Variants in SFRP1 observed in about 807,000 individuals in gnomAD.
SFRP1 encodes secreted frizzled related protein 1.
SFRP1 carries 9 observed loss-of-function variants against 25.9 expected under a neutral mutation model. The ratio of observed to expected loss-of-function variants is 0.35; its 90% CI spans 0.21 to 0.61. The LOEUF (loss-of-function observed/expected upper bound fraction) is 0.61, where lower values mean the gene tolerates loss of function less well. Among genes scored for constraint, SFRP1 ranks in the 20% least tolerant of loss-of-function variants. The probability of loss-of-function intolerance (pLI) is 0.78; values close to 1 mark genes in which losing one functional copy is unlikely to be tolerated. For missense variants in SFRP1, 346 were observed against 418.2 expected, an observed-to-expected ratio of 0.83 and a Z score of 1.51; for synonymous variants, 178 against 174.0, an observed-to-expected ratio of 1.02 and a Z score of -0.18.
chr8:41,279,175 G>A (rs528344790), intron 2 of SFRP1, among the ~76,000 whole-genome samples: 3 of 152,084 alleles, frequency 2.0e-5, no homozygotes, highest in African/African-American at 7.2e-5. Context: ...TGCAATGCCT[G>A]ACATCAGGGG....
At chr8:41,271,329 A>T (rs1803503507) in intron 2 of SFRP1, 1 of 154,004 alleles carries the variant, frequency 6.5e-6, no homozygotes, top group Non-Finnish European at 1.5e-5. Flanking sequence ...TAACATACAA[A>T]ACAGAAAAGG....
intron 2 of SFRP1, among the ~76,000 whole-genome samples, chr8:41,291,590 G>A (rs751876361): frequency 1.3e-5 from 2 of 152,010 alleles, no homozygotes; most frequent in African/African-American, 2.4e-5. Context: ...GTATGCTCCC[G>A]TGGCTCCCAG....
intron 2 of SFRP1, chr8:41,275,125 A>G: frequency 2.3e-6 from 1 of 427,886 alleles, no homozygotes; most frequent in Non-Finnish European, 4.6e-6. Context: ...TTAGAACTGG[A>G]AGAGACGTTA....
chr8:41,299,773 C>T (rs1803892667), intron 2 of SFRP1, among the ~76,000 whole-genome samples: 1 of 151,880 alleles, frequency 6.6e-6, no homozygotes, highest in Non-Finnish European at 1.5e-5. Context: ...AGACACTGTG[C>T]CAGGGACTAT....
chr8:41,269,833 G>T (rs7013229), intron 2 of SFRP1, among the ~76,000 whole-genome samples: 50,845 of 152,082 alleles, frequency 0.33, 8,908 homozygotes, highest in Middle Eastern at 0.38. Context: ...CTCCTCTGAT[G>T]GCAGATGATA....
rs1803407157 is a variant in SFRP1 at position 41,264,223 on chromosome 8, A to G, written c.*944T>C. On this transcript the variant is annotated 3_prime_UTR_variant, in exon 3 of 3. Transcript: ENST00000220772. Reference sequence around the variant, plus strand: ...TGTCATTGTTCTTTTAAAAATGTGAAAAGGAAAAAACATGAGATTAGAATC... The same window carrying G: ...TGTCATTGTTCTTTTAAAAATGTGAGAAGGAAAAAACATGAGATTAGAATC... The G allele has an allele frequency of 6.6e-6, 1 of 152,240 alleles. No homozygotes were observed. The allele number at this position is 152,240 out of a possible 1,614,324, so 9.4% of individuals were successfully genotyped here.
At chr8:41,267,384 G>A (rs7831698) in intron 2 of SFRP1, among the ~76,000 whole-genome samples, 5 of 152,244 alleles carry the variant, frequency 3.3e-5, no homozygotes, top group East Asian at 3.9e-4. Flanking sequence ...ACAGTGTCGC[G>A]GGTACAATCA....
intron 2 of SFRP1, among the ~76,000 whole-genome samples, chr8:41,283,781 T>G (rs900792702): frequency 1.1e-4 from 17 of 152,224 alleles, no homozygotes; most frequent in Admixed American, 1.0e-3. Context: ...CAGGCTGGTC[T>G]CGAACTCCTG....
At chr8:41,285,537 A>G (rs1244673618) in intron 2 of SFRP1, among the ~76,000 whole-genome samples, 2 of 122,810 alleles carry the variant, frequency 1.6e-5, no homozygotes, top group Non-Finnish European at 3.3e-5. Flanking sequence ...TTACTATCAG[A>G]TAAGTCGTTT....
rs1585500225 is a variant in SFRP1, at chr8:41,261,993, T to C, written c.*3174A>G. 1 of 152,384 alleles carries C rather than the reference T, an allele frequency of 6.6e-6. No individual in the cohort carries two copies. The highest frequency in any genetic ancestry group is 1.9e-4 in the East Asian group (1 of 5,190). The allele number at this position is 152,384 out of a possible 1,614,324, so 9.4% of individuals were successfully genotyped here. A position where few individuals can be genotyped will look rare whatever the true frequency, so the allele number is the denominator to read the frequency against. On this transcript the variant is annotated 3_prime_UTR_variant, in exon 3 of 3. Transcript: ENST00000220772. ...AATTGAGTGATTTTAGTCAAGTGAA[T>C]ATTGATACATGGCTGAAAAAGCATG...
At chr8:41,303,395 C>T (rs888183846) in intron 2 of SFRP1, 66 bp downstream of exon 2, 20 of 1,161,998 alleles carry the variant, frequency 1.7e-5, no homozygotes, top group African/African-American at 6.1e-5. Flanking sequence ...GCAGGGCCTC[C>T]GTCTGGCAGA....
chr8:41,276,429 A>G (rs1458917059), intron 2 of SFRP1, among the ~76,000 whole-genome samples: 1 of 152,232 alleles, frequency 6.6e-6, no homozygotes, highest in African/African-American at 2.4e-5. Flanking sequence ...TAGGGCCCAG[A>G]TAAGTCCTAC....
intron 2 of SFRP1, among the ~76,000 whole-genome samples, chr8:41,280,881 C>T (rs754535857): frequency 3.9e-5 from 6 of 152,296 alleles, no homozygotes; most frequent in East Asian, 3.9e-4. Flanking sequence ...CTCCCAGAAG[C>T]GTTCCTAGCA....
chr8:41,306,506 C>T (rs1339612561), intron 1 of SFRP1, among the ~76,000 whole-genome samples: 3 of 151,642 alleles, frequency 2.0e-5, no homozygotes, highest in Non-Finnish European at 2.9e-5. Flanking sequence ...CACACACACA[C>T]GCCCCACCCT....
At chr8:41,276,214 G>C (rs1429642207) in intron 2 of SFRP1, among the ~76,000 whole-genome samples, 1 of 152,206 alleles carries the variant, frequency 6.6e-6, no homozygotes, top group African/African-American at 2.4e-5. Flanking sequence ...TGAAGACAGA[G>C]CACTGGTTTC....
chr8:41,276,523 A>G (rs769329942), intron 2 of SFRP1, among the ~76,000 whole-genome samples: 29 of 152,300 alleles, frequency 1.9e-4, no homozygotes, highest in Middle Eastern at 3.4e-3. Flanking sequence ...TTCGTTTAGC[A>G]GAGAAAGGGG....
intron 2 of SFRP1, among the ~76,000 whole-genome samples, chr8:41,267,005 A>C (rs1286582307): frequency 1.3e-5 from 2 of 152,222 alleles, no homozygotes; most frequent in Non-Finnish European, 2.9e-5. Flanking sequence ...TCAATCGCTA[A>C]TCAACCACTA....
chr8:41,286,792 G>C (rs1416234022), intron 2 of SFRP1, among the ~76,000 whole-genome samples: 2 of 152,186 alleles, frequency 1.3e-5, no homozygotes, highest in East Asian at 1.9e-4. Context: ...AGAGATGGGG[G>C]CCCTAGCTGG....
rs138302069 is a variant in SFRP1 at position 41,289,204 on chromosome 8, G to A, written c.622+14257C>T. 1.5e-3 allele frequency among the ~76,000 whole-genome samples: 229 copies of A among 152,280 alleles called. 1 individual carries two copies. The highest frequency in any genetic ancestry group is 4.9e-3 in the African/African-American group (204 of 41,556). The stretch of plus-strand genomic sequence containing the variant: ...TGCCAACCAAGATATCACACCTAGA[G>A]AGCAAGTCACAGAGTTTTTGCCACA... On this transcript the variant is annotated intron_variant, in intron 2 of 2. Coordinates refer to ENST00000220772, the MANE Select transcript of SFRP1 (RefSeq NM_003012.5).
Sources: gnomAD v4.1 joint callset for allele counts (sites outside exome capture counted in the v4.1 genomes callset) on GRCh38, gnomAD v4.1.1 for gene constraint, MANE v1.5 for transcripts, NCBI Gene and HGNC (gene_info 2026-07-23, HGNC 2026-07-21) for gene names.